Variants in ADAMTS4 observed in about 807,000 individuals in gnomAD.
The protein encoded by ADAMTS4 is ADAM metallopeptidase with thrombospondin type 1 motif 4.
In ADAMTS4, 38 loss-of-function variants were observed where a neutral mutation model predicts 66.7. The ratio of observed to expected loss-of-function variants is 0.57; its 90% CI spans 0.44 to 0.75. The LOEUF (loss-of-function observed/expected upper bound fraction) is 0.75, where lower values mean the gene tolerates loss of function less well. Among genes scored for constraint, ADAMTS4 ranks in the 30% least tolerant of loss-of-function variants. The pLI is 0.00. For synonymous variants in ADAMTS4, 418 were observed against 461.5 expected, an observed-to-expected ratio of 0.91 and a Z score of 1.21; for missense variants, 1,014 against 1,116.7, an observed-to-expected ratio of 0.91 and a Z score of 1.31.
chr1:161,198,710 T>C lies in ADAMTS4; in HGVS notation c.-83A>G. 1 of 1,315,778 alleles carries C rather than the reference T, an allele frequency of 7.6e-7. No individual in the cohort carries two copies. Among genetic ancestry groups the C allele is most frequent in the East Asian group, 2.5e-5 (1 of 39,290 alleles). 81.5% of individuals were successfully genotyped at this position (1,315,778 alleles called of 1,614,324 possible). A position where few individuals can be genotyped will look rare whatever the true frequency, so the allele number is the denominator to read the frequency against. On this transcript the variant is annotated 5_prime_UTR_variant, in exon 1 of 9. Transcript: ENST00000367996. This position sits in a 1 kb window ranked among gnomAD's most constrained non-coding sequence, Gnocchi z 4.7. ...ACCCTAGCTTTGGAAAGCTCCTCTCTGTAGCCTGGGGGCTTGGACTCCTGC... is the reference window on the plus strand; with the variant it reads ...ACCCTAGCTTTGGAAAGCTCCTCTCCGTAGCCTGGGGGCTTGGACTCCTGC...
chr1:161,197,981 C>T lies in ADAMTS4; in HGVS notation c.633+14G>A, dbSNP rs1664926760. ...GGGAGGACACCGCAGGACACAGACT[C>T]CAGAGATGCCTACCTTGGCTCTTCG... is the stretch of plus-strand genomic sequence containing the variant. On this transcript the variant is annotated intron_variant, in intron 1 of 8. Transcript: ENST00000367996. 6.5e-7 allele frequency: 1 copy of T among 1,547,410 alleles called. No homozygotes were observed. Among genetic ancestry groups the T allele is most frequent in the Non-Finnish European group, 8.7e-7 (1 of 1,145,304 alleles).
rs1019356028 is a variant in ADAMTS4, at chr1:161,193,022, G to A, written c.1911+191C>T. 3.3e-5 allele frequency among the ~76,000 whole-genome samples: 5 copies of A among 152,224 alleles called. No individual in the cohort carries two copies. The highest frequency in any genetic ancestry group is 1.2e-4 in the African/African-American group (5 of 41,452). ...TAGGATAGGCTAGAGGGACCTATTG[G>A]CCACATATCTGGAGTCTGGGGCTCG... On this transcript the variant is annotated intron_variant, in intron 7 of 8. Transcript: ENST00000367996. The surrounding 1 kb of genome is among the most constrained non-coding windows in gnomAD (Gnocchi z 4.4).
Position 161,188,910 on chromosome 1 carries a change from T to TA in ADAMTS4, c.*2227_*2228insT, listed in dbSNP as rs1558071757. ...TATATATATATATATATATATATAT[T>TA]TTGTATTTTTAGTAGACACGGGGTT... On this transcript the variant is annotated 3_prime_UTR_variant, in exon 9 of 9. Transcript: ENST00000367996. 3 of 54,866 alleles carry TA rather than the reference T, an allele frequency of 5.5e-5. No individual in the cohort carries two copies. Among genetic ancestry groups the TA allele is most frequent in the South Asian group, 6.9e-4 (1 of 1,454 alleles). The allele number at this position is 54,866 out of a possible 1,614,324, so 3.4% of individuals were successfully genotyped here. A position where few individuals can be genotyped will look rare whatever the true frequency, so the allele number is the denominator to read the frequency against.
chr1:161,193,371 C>G lies in ADAMTS4; in HGVS notation c.1753G>C (p.Glu585Gln), dbSNP rs931885231. 1 of 1,613,730 alleles carries G rather than the reference C, an allele frequency of 6.2e-7. No homozygotes were observed. Among genetic ancestry groups the G allele is most frequent in the Non-Finnish European group, 8.5e-7 (1 of 1,179,852 alleles). The change falls in exon 7 of 9, where the codon GAG (glutamate) becomes CAG (glutamine). Residue 585 changes from glutamate to glutamine, a missense_variant. Glu to Gln is a conservative substitution (Grantham distance 29). Transcript: ENST00000367996. This position sits in a 1 kb window ranked among gnomAD's most constrained non-coding sequence, Gnocchi z 4.4. ...PTGSALTFRE[E>Q]QCAAYNHRTD... ...CGGTGGTTGTAGGCAGCACACTGCT[C>G]CTCGCGGAAGGTCAGGGCTGGAGGG...
chr1:161,194,142 G>A lies in ADAMTS4; in HGVS notation c.1341C>T (p.Arg447=). 6.2e-7 allele frequency: 1 copy of A among 1,614,220 alleles called. No individual in the cohort carries two copies. Among genetic ancestry groups the A allele is most frequent in the Non-Finnish European group, 8.5e-7 (1 of 1,180,034 alleles). ...TFPGKDYDAD[R]QCQLTFGPDS... Reference sequence around the variant, plus strand: ...CGGGCCCGAAGGTCAGCTGGCACTGGCGGTCAGCATCATAGTCCTTGCCAG... The same window carrying A: ...CGGGCCCGAAGGTCAGCTGGCACTGACGGTCAGCATCATAGTCCTTGCCAG... Residue 447 remains arginine, a synonymous_variant, in exon 5 of 9, where the codon CGC becomes CGT. Transcript: ENST00000367996. This position sits in a 1 kb window ranked among gnomAD's most constrained non-coding sequence, Gnocchi z 4.1.
Position 161,189,983 on chromosome 1 carries a change from C to T in ADAMTS4, c.*1155G>A, listed in dbSNP as rs942489772. On this transcript the variant is annotated 3_prime_UTR_variant, in exon 9 of 9. Coordinates refer to ENST00000367996, the MANE Select transcript of ADAMTS4 (RefSeq NM_005099.6). ...AGCACTTTGGGAGGCCGAGGCAGGTCGATTACCTGAGGTCAGGAGTTCAAG... is the reference window on the plus strand; with the variant it reads ...AGCACTTTGGGAGGCCGAGGCAGGTTGATTACCTGAGGTCAGGAGTTCAAG... 3.2e-4 allele frequency: 47 copies of T among 145,204 alleles called. No homozygotes were observed. Among genetic ancestry groups the T allele is most frequent in the African/African-American group, 1.1e-3 (44 of 38,984 alleles). The allele number at this position is 145,204 out of a possible 1,614,324, so 9.0% of individuals were successfully genotyped here. A position where few individuals can be genotyped will look rare whatever the true frequency, so the allele number is the denominator to read the frequency against.
At position 161,195,277 on chromosome 1, in the gene ADAMTS4, A is replaced by G. The variant is rs550779347; in HGVS notation, c.1261+188T>C. On this transcript the variant is annotated intron_variant, in intron 4 of 8. Coordinates refer to ENST00000367996, the MANE Select transcript of ADAMTS4 (RefSeq NM_005099.6). ...GAGCCAAAATTCGCCTCCTCTAGCT[A>G]TGCTATTTATTCTGGGAGGAAGTGA... 5.3e-5 allele frequency among the ~76,000 whole-genome samples: 8 copies of G among 152,222 alleles called. No homozygotes were observed. The East Asian group carries it at 1.5e-3, about 29-fold the overall frequency.
Position 161,198,546 on chromosome 1 carries a change from T to C in ADAMTS4, c.82A>G (p.Ile28Val). 1 of 1,564,644 alleles carries C rather than the reference T, an allele frequency of 6.4e-7. No homozygotes were observed. Among genetic ancestry groups the C allele is most frequent in the Non-Finnish European group, 8.7e-7 (1 of 1,154,894 alleles). Reference sequence around the variant, plus strand: ...CACACCAGCCAGGAGAGCGGCACAATGGGGAGCAGGAGGCAGGGTTGGGCT... The same window carrying C: ...CACACCAGCCAGGAGAGCGGCACAACGGGGAGCAGGAGGCAGGGTTGGGCT... Reference protein sequence around the residue: ...WGAQPCLLLPIVPLSWLVWLL... With the variant: ...WGAQPCLLLPVVPLSWLVWLL... Residue 28 changes from isoleucine to valine, a missense_variant, in exon 1 of 9, where the codon ATT (isoleucine) becomes GTT (valine). By Grantham distance (29) the Ile-to-Val change is conservative. Transcript: ENST00000367996. This position sits in a 1 kb window ranked among gnomAD's most constrained non-coding sequence, Gnocchi z 4.7.
rs983512600 is a variant in ADAMTS4 at position 161,184,822 on chromosome 1, C to A, written c.*6316G>T. Reference sequence around the variant, plus strand: ...TCACTTGAGCCCGGGAGTTCAAGACCAGCCTGGGCAACATGGAAAACCCCG... The same window carrying A: ...TCACTTGAGCCCGGGAGTTCAAGACAAGCCTGGGCAACATGGAAAACCCCG... On this transcript the variant is annotated 3_prime_UTR_variant, in exon 9 of 9. Transcript: ENST00000367996. The A allele has an allele frequency of 6.6e-6, 1 of 151,946 alleles. No individual in the cohort carries two copies. The highest frequency in any genetic ancestry group is 1.5e-5 in the Non-Finnish European group (1 of 68,000). The allele number at this position is 151,946 out of a possible 1,614,324, so 9.4% of individuals were successfully genotyped here. A position where few individuals can be genotyped will look rare whatever the true frequency, so the allele number is the denominator to read the frequency against.
rs1176323100 is a variant in ADAMTS4 at position 161,190,975 on chromosome 1, A to T, written c.*163T>A. The T allele has an allele frequency of 7.7e-6, 6 of 783,176 alleles. No homozygotes were observed. Among genetic ancestry groups the T allele is most frequent in the Non-Finnish European group, 1.1e-5 (6 of 522,394 alleles). 48.5% of individuals were successfully genotyped at this position (783,176 alleles called of 1,614,324 possible). A position where few individuals can be genotyped will look rare whatever the true frequency, so the allele number is the denominator to read the frequency against. On this transcript the variant is annotated 3_prime_UTR_variant, in exon 9 of 9. Transcript: ENST00000367996. The stretch of plus-strand genomic sequence containing the variant: ...TCACTGCCTCCCAGGGCAGGAAACC[A>T]GGGCAGGGCCAGCCTGCGCATTAGG...
In ADAMTS4 at chr1:161,198,637, A is replaced by G; in HGVS notation, c.-10T>C. On this transcript the variant is annotated 5_prime_UTR_variant, in exon 1 of 9. Transcript: ENST00000367996. This position sits in a 1 kb window ranked among gnomAD's most constrained non-coding sequence, Gnocchi z 4.7. Reference sequence around the variant, plus strand: ...AGCCTGTCTGGGACATGGCACTGGTACTGCAGCTGGGAGGGACTGAGGCCG... The same window carrying G: ...AGCCTGTCTGGGACATGGCACTGGTGCTGCAGCTGGGAGGGACTGAGGCCG... 2.7e-6 allele frequency: 4 copies of G among 1,496,212 alleles called. No homozygotes were observed. The highest frequency in any genetic ancestry group is 3.6e-6 in the Non-Finnish European group (4 of 1,119,234). The allele number at this position is 1,496,212 out of a possible 1,614,324, so 92.7% of individuals were successfully genotyped here.
rs1054150237 is a variant in ADAMTS4, at chr1:161,187,834, T to A, written c.*3304A>T. 1 of 151,488 alleles carries A rather than the reference T, an allele frequency of 6.6e-6. No individual in the cohort carries two copies. Among genetic ancestry groups the A allele is most frequent in the African/African-American group, 2.4e-5 (1 of 41,100 alleles). 9.4% of individuals were successfully genotyped at this position (151,488 alleles called of 1,614,324 possible). A position where few individuals can be genotyped will look rare whatever the true frequency, so the allele number is the denominator to read the frequency against. On this transcript the variant is annotated 3_prime_UTR_variant, in exon 9 of 9. Transcript: ENST00000367996. ...ACCCCACATCCAGTACCTTCCCCAA[T>A]CCCTAGCAGTCCTGCGTCTGCCTCT...
In ADAMTS4 at chr1:161,194,319, T is replaced by C; in HGVS notation, c.1262-98A>G. 1 of 1,148,858 alleles carries C rather than the reference T, an allele frequency of 8.7e-7. No individual in the cohort carries two copies. Among genetic ancestry groups the C allele is most frequent in the Non-Finnish European group, 1.2e-6 (1 of 807,300 alleles). The allele number at this position is 1,148,858 out of a possible 1,614,324, so 71.2% of individuals were successfully genotyped here. ...AGGCTCCCTGGGGCCTGATGGAGCC[T>C]AGAAAAACAATCCTAGGACTATAAG... On this transcript the variant is annotated intron_variant, in intron 4 of 8. Coordinates refer to ENST00000367996, the MANE Select transcript of ADAMTS4 (RefSeq NM_005099.6). The surrounding 1 kb of genome is among the most constrained non-coding windows in gnomAD (Gnocchi z 4.1).
In ADAMTS4 at chr1:161,196,886, G is replaced by A. The variant is rs1314079082; in HGVS notation, c.634-6C>T. The A allele has an allele frequency of 1.3e-6, 2 of 1,575,934 alleles. No homozygotes were observed. The highest frequency in any genetic ancestry group is 1.8e-5 in the Admixed American group (1 of 56,344). ...CTACTCAGTGAAGCAAAGCGCTGTA[G>A]AGAAAAAGGGAGAGGAAGATCCTGA... On this transcript the variant is annotated splice_polypyrimidine_tract_variant and splice_region_variant and intron_variant, in intron 1 of 8. Coordinates refer to ENST00000367996, the MANE Select transcript of ADAMTS4 (RefSeq NM_005099.6).
Position 161,193,768 on chromosome 1 carries a change from C to A in ADAMTS4, c.1607G>T (p.Cys536Phe), listed in dbSNP as rs775557044. ...WGPWGDCSRT[C>F]GGGVQFSSRD... ...GGAGGAGAACTGGACACCACCCCCA[C>A]AGGTCCGAGAGCAGTCACCCCATGG... The change falls in exon 6 of 9, where the codon TGT becomes TTT. Residue 536 changes from cysteine to phenylalanine, a missense_variant. By Grantham distance (205) the Cys-to-Phe change is radical (BLOSUM62 -2). Transcript: ENST00000367996. This position sits in a 1 kb window ranked among gnomAD's most constrained non-coding sequence, Gnocchi z 4.4. 1 of 1,613,938 alleles carries A rather than the reference C, an allele frequency of 6.2e-7. No individual in the cohort carries two copies. The highest frequency in any genetic ancestry group is 1.1e-5 in the South Asian group (1 of 91,050).
chr1:161,188,885 T>TATATATATATATATATATATATAC lies in ADAMTS4; in HGVS notation c.*2252_*2253insGTATATATATATATATATATATAT, dbSNP rs1354694733. ...GGCACCTGTCACCATGCCCGGCTAA[T>TATATATATATATATATATATATAC]ATATATATATATATATATATATATT... On this transcript the variant is annotated 3_prime_UTR_variant, in exon 9 of 9. Transcript: ENST00000367996. 7.1e-5 allele frequency: 7 copies of TATATATATATATATATATATATAC among 98,716 alleles called. No homozygotes were observed. The highest frequency in any genetic ancestry group is 3.6e-5 in the Non-Finnish European group (2 of 55,012). 6.1% of individuals were successfully genotyped at this position (98,716 alleles called of 1,614,324 possible).
rs770468405 is a variant in ADAMTS4 at position 161,196,917 on chromosome 1, C to T, written c.634-37G>A. ...AAGGGAGAGGAAGATCCTGAAATAGCCTCTCAGACCCATGGGTCGGTCGAT... is the reference window on the plus strand; with the variant it reads ...AAGGGAGAGGAAGATCCTGAAATAGTCTCTCAGACCCATGGGTCGGTCGAT... On this transcript the variant is annotated intron_variant, in intron 1 of 8. Transcript: ENST00000367996. The T allele has an allele frequency of 3.3e-6, 5 of 1,534,084 alleles. No individual in the cohort carries two copies. The Admixed American group carries it at 9.3e-5, about 29-fold the overall frequency.
chr1:161,191,494 G>C lies in ADAMTS4; in HGVS notation c.2158C>G (p.Pro720Ala), dbSNP rs41270041. The change falls in exon 9 of 9, where the codon CCT (proline) becomes GCT (alanine). Residue 720 changes from proline (P) to alanine (A), a missense_variant. Coordinates refer to ENST00000367996, the MANE Select transcript of ADAMTS4 (RefSeq NM_005099.6). ...THILVRQQGN[P>A]GHRSIYLALK... ...GCCAAGTAGATGCTCCGGTGGCCAG[G>C]GTTTCCCTGCTGCCGGACAAGAATG... The C allele has an allele frequency of 0.085, 137,894 of 1,614,008 alleles. 6,444 individuals are homozygous for C. Among genetic ancestry groups the C allele is most frequent in the South Asian group, 0.16 (14,667 of 91,086 alleles).
At position 161,194,341 on chromosome 1, in the gene ADAMTS4, T is replaced by G; in HGVS notation, c.1262-120A>C. 1.2e-6 allele frequency: 1 copy of G among 806,584 alleles called. No individual in the cohort carries two copies. The highest frequency in any genetic ancestry group is 1.9e-6 in the Non-Finnish European group (1 of 539,972). 50.0% of individuals were successfully genotyped at this position (806,584 alleles called of 1,614,324 possible). A position where few individuals can be genotyped will look rare whatever the true frequency, so the allele number is the denominator to read the frequency against. On this transcript the variant is annotated intron_variant, in intron 4 of 8. Transcript: ENST00000367996. The surrounding 1 kb of genome is among the most constrained non-coding windows in gnomAD (Gnocchi z 4.1). Reference sequence around the variant, plus strand: ...GCCTAGAAAAACAATCCTAGGACTATAAGAGGATTTAAATTTTTGTTATTT... The same window carrying G: ...GCCTAGAAAAACAATCCTAGGACTAGAAGAGGATTTAAATTTTTGTTATTT...
Sources: allele counts gnomAD v4.1 joint callset (sites outside exome capture counted in the v4.1 genomes callset), GRCh38; gene constraint gnomAD v4.1.1; non-coding constraint Gnocchi (gnomAD v3.1); transcripts MANE v1.5; gene names NCBI Gene and HGNC (gene_info 2026-07-23, HGNC 2026-07-21).